SUGP1: variants seen among roughly 807,000 people sequenced by gnomAD.
SUGP1 encodes the protein SURP and G-patch domain containing 1, also known as SURP and G-patch domain-containing protein 1.
SUGP1 carries 34 observed loss-of-function variants against 76.5 expected under a neutral mutation model. The ratio of observed to expected loss-of-function variants is 0.44; its 90% confidence interval spans 0.34 to 0.59. The LOEUF (loss-of-function observed/expected upper bound fraction) is 0.59. Ranked by LOEUF, SUGP1 falls within the 20% of genes least tolerant of loss-of-function variation. The probability of loss-of-function intolerance (pLI) is 0.01; values close to 1 mark genes in which losing one functional copy is unlikely to be tolerated. For missense variants in SUGP1, 752 were observed against 851.7 expected (o/e 0.88, Z 1.46); for synonymous variants, 326 against 326.2 (o/e 1.00, Z 0.01).
rs1358198261 is a variant in SUGP1, at chr19:19,319,051, C to A, written c.34+1412G>T. On this transcript the variant is annotated intron_variant, in intron 1 of 13. Coordinates refer to ENST00000247001, the MANE Select transcript of SUGP1 (RefSeq NM_172231.4). ...TGGCCAACATGGTGATACCCCGTCTCTACTAAAAATACACAAAAACACTGG... is the reference window on the plus strand; with the variant it reads ...TGGCCAACATGGTGATACCCCGTCTATACTAAAAATACACAAAAACACTGG... 3.6e-5 allele frequency among the ~76,000 whole-genome samples: 4 copies of A among 109,704 alleles called. No homozygotes were observed. In the East Asian group the frequency reaches 7.8e-4, roughly 21 times the overall value. The allele number at this position is 109,704 out of a possible 152,430, so 72.0% of individuals were successfully genotyped here.
chr19:19,318,657 T>C (rs2061412575), intron 1 of SUGP1, among the ~76,000 whole-genome samples: 1 of 152,170 alleles, frequency 6.6e-6, no homozygotes, highest in African/African-American at 2.4e-5. Flanking sequence ...CTTGAACTCC[T>C]GTCCTCAAGG....
At chr19:19,303,012 A>T (rs1414304204) in intron 6 of SUGP1, among the ~76,000 whole-genome samples, 2 of 151,918 alleles carry the variant, frequency 1.3e-5, no homozygotes, top group African/African-American at 4.8e-5. Flanking sequence ...GCTCATCAAC[A>T]CTTGTTAATG....
Position 19,278,547 on chromosome 19 carries a change from C to T in SUGP1, c.1635+143G>A, listed in dbSNP as rs371985259. ...CTACACAGACGGCGCCTGTCATTAA[C>T]AGATGCCTCCTGCAGCGAAAAGGCC... On this transcript the variant is annotated intron_variant, in intron 11 of 13. Coordinates refer to ENST00000247001, the MANE Select transcript of SUGP1 (RefSeq NM_172231.4). 193 of 670,124 alleles carry T rather than the reference C, an allele frequency of 2.9e-4. 1 individual carries two copies. The East Asian group carries it at 4.9e-3, about 17-fold the overall frequency. 41.5% of individuals were successfully genotyped at this position (670,124 alleles called of 1,614,324 possible). A position where few individuals can be genotyped will look rare whatever the true frequency, so the allele number is the denominator to read the frequency against.
At chr19:19,288,759 A>G (rs2061160146) in intron 8 of SUGP1, among the ~76,000 whole-genome samples, 1 of 152,054 alleles carries the variant, frequency 6.6e-6, no homozygotes, top group Admixed American at 6.6e-5. Context: ...CTGCCTCAAA[A>G]AAAAAGTTTA....
Position 19,277,049 on chromosome 19 carries a change from G to T in SUGP1, c.1809C>A (p.Gly603=). 1.2e-6 allele frequency: 2 copies of T among 1,612,016 alleles called. No individual in the cohort carries two copies. The highest frequency in any genetic ancestry group is 1.7e-5 in the Admixed American group (1 of 59,912). The change falls in exon 13 of 14, where the codon GGC becomes GGA. Residue 603 remains glycine (G), a synonymous_variant. Transcript: ENST00000247001. The part of the protein sequence containing the change: ...NKGTTTVDGA[G]FGIDRPAELS... ...GCTCCGCCGGCCGGTCAATGCCGAA[G>T]CCAGCGCCGTCCACTGTGGTGGTGC...
intron 7 of SUGP1, 82 bp from the exon 8 acceptor site, chr19:19,297,426 T>TCTGGGCAGGAGCAGTTCTGGCCTG: frequency 4.3e-6 from 5 of 1,170,124 alleles, no homozygotes; most frequent in Non-Finnish European, 5.9e-6. Context: ...GTTCTGGCCT[T>TCTGGGCAGGAGCAGTTCTGGCCTG]GTGTGCCCAC....
intron 1 of SUGP1, among the ~76,000 whole-genome samples, chr19:19,317,808 C>CTT (rs781257871): frequency 0.084 from 9,238 of 110,520 alleles, 650 homozygotes; most frequent in South Asian, 0.13. Flanking sequence ...GCCCCAGTGG[C>CTT]TTTTTTTTTT....
chr19:19,298,505 A>C, intron 7 of SUGP1, among the ~76,000 whole-genome samples: 1 of 152,150 alleles, frequency 6.6e-6, no homozygotes, highest in Non-Finnish European at 1.5e-5. Context: ...CAAAAAAATA[A>C]GATAAATAGT....
chr19:19,284,875 G>GTTT (rs756645152), intron 8 of SUGP1, among the ~76,000 whole-genome samples: 39 of 129,772 alleles, frequency 3.0e-4, no homozygotes, highest in African/African-American at 1.0e-3. Context: ...AAACAGGTTT[G>GTTT]TTTTTTTTTT....
chr19:19,303,831 T>A lies in SUGP1; in HGVS notation c.555A>T (p.Gly185=). Residue 185 remains glycine, a synonymous_variant, in exon 5 of 14, where the codon GGA becomes GGT. Transcript: ENST00000247001. ...TCTCTATCACTTTCCGAGTCTCGGC[T>A]CCCTCTGGGGGTGAAACTTTAAGGA... is the stretch of plus-strand genomic sequence containing the variant. ...WLEIKVSPPE[G]AETRKVIEKL... The A allele has an allele frequency of 6.2e-7, 1 of 1,614,112 alleles. No homozygotes were observed. The highest frequency in any genetic ancestry group is 1.1e-5 in the South Asian group (1 of 91,088).
At chr19:19,277,615 G>A in intron 12 of SUGP1, 119 bp downstream of exon 12, 5 of 1,314,648 alleles carry the variant, frequency 3.8e-6, no homozygotes, top group Non-Finnish European at 5.2e-6. Context: ...GCAGTGGGGT[G>A]CTGTGATCAT....
chr19:19,305,826 G>T (rs781120883), intron 4 of SUGP1, 23 bp downstream of exon 4: 2 of 1,578,368 alleles, frequency 1.3e-6, no homozygotes, highest in South Asian at 1.2e-5. Context: ...GGTGGTGGGG[G>T]AGCAGCAGCT....
chr19:19,297,556 T>C (rs947023256), intron 7 of SUGP1, among the ~76,000 whole-genome samples: 2 of 152,156 alleles, frequency 1.3e-5, no homozygotes. Context: ...TCCTTTGAAC[T>C]GAGTCACTCC....
At position 19,303,764 on chromosome 19, in the gene SUGP1, T is replaced by C. The variant is rs779394884; in HGVS notation, c.622A>G (p.Lys208Glu). ...TCCTTGTAGTCCTCCATAGCTACTT[T>C]TTCTAACTCGGGGCCTCCTTCTGCC... ...FVAEGGPELE[K>E]VAMEDYKDNP... is the part of the protein sequence containing the mutation. Residue 208 changes from lysine (K) to glutamate (E), a missense_variant, in exon 5 of 14, where the codon AAA becomes GAA. By Grantham distance (56) the Lys-to-Glu change is moderately conservative. Coordinates refer to ENST00000247001, the MANE Select transcript of SUGP1 (RefSeq NM_172231.4). 10 of 1,614,208 alleles carry C rather than the reference T, an allele frequency of 6.2e-6. No homozygotes were observed. The South Asian group carries it at 9.9e-5, about 16-fold the overall frequency.
chr19:19,280,082 T>A (rs558909646), intron 9 of SUGP1, 103 bp downstream of exon 9: 1 of 1,152,726 alleles, frequency 8.7e-7, no homozygotes, highest in African/African-American at 1.5e-5. Flanking sequence ...ACACAGGAGC[T>A]TGGCGAAGCA....
At position 19,318,114 on chromosome 19, in the gene SUGP1, T is replaced by TTTTCTTTC. The variant is rs1491157545; in HGVS notation, c.35-1522_35-1521insGAAAGAAA. 1.5e-3 allele frequency among the ~76,000 whole-genome samples: 93 copies of TTTTCTTTC among 60,488 alleles called. 4 individuals are homozygous for TTTTCTTTC. Among genetic ancestry groups the TTTTCTTTC allele is most frequent in the African/African-American group, 8.9e-3 (86 of 9,624 alleles). 39.7% of individuals were successfully genotyped at this position (60,488 alleles called of 152,430 possible). A position where few individuals can be genotyped will look rare whatever the true frequency, so the allele number is the denominator to read the frequency against. On this transcript the variant is annotated intron_variant, in intron 1 of 13. Transcript: ENST00000247001. ...GCGTGAGCCACCGAACCCAGCCTTC[T>TTTTCTTTC]TTTTTTTTTTTTTTTTTTTTGAGAT...
intron 8 of SUGP1, among the ~76,000 whole-genome samples, chr19:19,284,608 C>T (rs1568620097): frequency 6.6e-6 from 1 of 152,176 alleles, no homozygotes; most frequent in Non-Finnish European, 1.5e-5. Context: ...ATCAGAATGA[C>T]ACACCTACAA....
rs145417177 is a variant in SUGP1 at position 19,290,856 on chromosome 19, C to T, written c.1243+6133G>A. Among the ~76,000 whole-genome samples, 912 of 152,048 alleles carry T rather than the reference C, an allele frequency of 6.0e-3. 6 individuals carry two copies. The highest frequency in any genetic ancestry group is 8.2e-3 in the Non-Finnish European group (558 of 67,990). On this transcript the variant is annotated intron_variant, in intron 8 of 13. Coordinates refer to ENST00000247001, the MANE Select transcript of SUGP1 (RefSeq NM_172231.4). The stretch of plus-strand genomic sequence containing the variant: ...GAAAGAGGCTGGGTGTGGTGGCTCA[C>T]GCCAGTAATCCCAGCACTTTGGGAG...
In SUGP1 at chr19:19,302,256, C is replaced by A; in HGVS notation, c.887+9G>T. On this transcript the variant is annotated intron_variant, in intron 7 of 13. Coordinates refer to ENST00000247001, the MANE Select transcript of SUGP1 (RefSeq NM_172231.4). Reference sequence around the variant, plus strand: ...GTGACGGTCACCTCCCTGGCAGGGCCCCCCTTACCTGAATGCCTGGTTCTC... The same window carrying A: ...GTGACGGTCACCTCCCTGGCAGGGCACCCCTTACCTGAATGCCTGGTTCTC... The A allele has an allele frequency of 1.9e-6, 3 of 1,613,944 alleles. No individual in the cohort carries two copies. The highest frequency in any genetic ancestry group is 2.5e-6 in the Non-Finnish European group (3 of 1,179,902).
Sources: allele counts gnomAD v4.1 joint callset (sites outside exome capture counted in the v4.1 genomes callset), GRCh38; gene constraint gnomAD v4.1.1; transcripts MANE v1.5; gene names NCBI Gene and HGNC (gene_info 2026-07-23, HGNC 2026-07-21).